The following RBFOX2 variants were observed in gnomAD, a reference collection of about 807,000 sequenced individuals.
RBFOX2 encodes the protein RNA binding fox-1 homolog 2, also known as RNA binding protein fox-1 homolog 2.
In RBFOX2, 10 loss-of-function variants were observed where a neutral mutation model predicts 49.1. That is an observed-to-expected ratio of 0.20 (90% CI 0.13 to 0.35). The LOEUF is 0.35. RBFOX2 is among the 10% of genes least tolerant of loss of function. The pLI is 1.00. For synonymous variants in RBFOX2, 183 were observed against 187.4 expected (o/e 0.98, Z 0.19); for missense variants, 323 against 486.9 (o/e 0.66, Z 3.17).
At chr22:35,930,791 C>CTAGG (rs1033099697) in intron 1 of RBFOX2, among the ~76,000 whole-genome samples, 1 of 152,104 alleles carries the variant, frequency 6.6e-6, no homozygotes, top group African/African-American at 2.4e-5. Context: ...GATGACACAC[C>CTAGG]TGCACTCCTG....
chr22:35,923,326 T>C (rs2149603557), intron 1 of RBFOX2, among the ~76,000 whole-genome samples: 1 of 151,792 alleles, frequency 6.6e-6, no homozygotes, highest in East Asian at 1.9e-4. Flanking sequence ...TCCAGGCCTT[T>C]CATATCTTTT....
intron 8 of RBFOX2, among the ~76,000 whole-genome samples, chr22:35,760,669 C>A (rs1602266781): frequency 6.6e-6 from 1 of 152,166 alleles, no homozygotes; most frequent in Non-Finnish European, 1.5e-5. Context: ...TTTAAAGAGG[C>A]AGACAATTTC....
chr22:35,752,269 C>T (rs1186575958), intron 9 of RBFOX2, among the ~76,000 whole-genome samples: 5 of 152,146 alleles, frequency 3.3e-5, no homozygotes, highest in African/African-American at 1.2e-4. Context: ...ATGTCCCCAA[C>T]TGCTAAGATC....
At chr22:35,893,469 A>T (rs2047486360) in intron 1 of RBFOX2, among the ~76,000 whole-genome samples, 1 of 152,192 alleles carries the variant, frequency 6.6e-6, no homozygotes, top group African/African-American at 2.4e-5. Context: ...CTTCCAAACA[A>T]ATCAAAAGAC....
intron 1 of RBFOX2, among the ~76,000 whole-genome samples, chr22:35,938,035 G>A (rs1012786166): frequency 6.6e-6 from 1 of 152,126 alleles, no homozygotes; most frequent in African/African-American, 2.4e-5. Flanking sequence ...TGACAACCCT[G>A]TAAGGAATAA....
intron 1 of RBFOX2, among the ~76,000 whole-genome samples, chr22:36,017,095 T>C (rs1221437925): frequency 2.0e-5 from 3 of 152,192 alleles, no homozygotes; most frequent in Non-Finnish European, 4.4e-5. Flanking sequence ...TATAAAATAC[T>C]TCTATGAATC....
intron 1 of RBFOX2, among the ~76,000 whole-genome samples, chr22:35,932,346 G>T (rs998549367): frequency 6.6e-6 from 1 of 151,918 alleles, no homozygotes; most frequent in Non-Finnish European, 1.5e-5. Context: ...CTTGAGGAAA[G>T]AAAATACTTG....
intron 1 of RBFOX2, among the ~76,000 whole-genome samples, chr22:35,832,843 C>T (rs1423492437): frequency 6.6e-6 from 1 of 151,912 alleles, no homozygotes; most frequent in Admixed American, 6.6e-5. Context: ...GATTCAGTCT[C>T]CAAAACAAAG....
intron 1 of RBFOX2, among the ~76,000 whole-genome samples, chr22:35,857,186 C>A (rs998277136): frequency 6.6e-6 from 1 of 152,148 alleles, no homozygotes; most frequent in African/African-American, 2.4e-5. Flanking sequence ...TATTTCAGAT[C>A]TGATCTTTAA....
intron 2 of RBFOX2, among the ~76,000 whole-genome samples, chr22:35,794,370 CT>C (rs561908106): frequency 2.0e-5 from 3 of 152,192 alleles, no homozygotes; most frequent in African/African-American, 7.2e-5. Flanking sequence ...TTTAAAAATG[CT>C]TTTTAGGCCG....
chr22:35,826,741 G>GT (rs887892235), intron 1 of RBFOX2, among the ~76,000 whole-genome samples: 9 of 151,800 alleles, frequency 5.9e-5, no homozygotes, highest in South Asian at 2.1e-4. Flanking sequence ...CTCATATACT[G>GT]TTTTTTTTCC....
chr22:35,741,700 G>A (rs1569182969), exon 12 of RBFOX2: 1 of 152,808 alleles, frequency 6.5e-6, no homozygotes, highest in Non-Finnish European at 1.5e-5. Context: ...CACAGAGCTT[G>A]CCTTTGGAGG....
At chr22:36,028,064 C>A (rs1335799877) in intron 1 of RBFOX2, among the ~76,000 whole-genome samples, 176 bp downstream of exon 1, 1 of 152,176 alleles carries the variant, frequency 6.6e-6, no homozygotes, top group African/African-American at 2.4e-5. Context: ...TTCAGTCCTG[C>A]AACCTTCGTT....
chr22:35,816,144 G>T (rs907008028), intron 1 of RBFOX2, among the ~76,000 whole-genome samples: 1 of 152,042 alleles, frequency 6.6e-6, no homozygotes, highest in African/African-American at 2.4e-5. Context: ...CACATACAAA[G>T]ACAAAACAAT....
In RBFOX2 at chr22:35,756,085, G is replaced by T; in HGVS notation, c.887+3803C>A. The T allele has an allele frequency of 2.2e-6, 3 of 1,388,866 alleles. No homozygotes were observed. The highest frequency in any genetic ancestry group is 2.9e-5 in the East Asian group (1 of 34,108). The allele number at this position is 1,388,866 out of a possible 1,614,324, so 86.0% of individuals were successfully genotyped here. A position where few individuals can be genotyped will look rare whatever the true frequency, so the allele number is the denominator to read the frequency against. On this transcript the variant is annotated intron_variant, in intron 9 of 11. Transcript: ENST00000405409. Reference sequence around the variant, plus strand: ...CTTGTCAGGGGATGGGGTCGAGAAGGCCCCAGTGTGTGTACTTACATAGAG... The same window carrying T: ...CTTGTCAGGGGATGGGGTCGAGAAGTCCCCAGTGTGTGTACTTACATAGAG...
intron 1 of RBFOX2, among the ~76,000 whole-genome samples, chr22:36,004,836 C>A (rs1343976999): frequency 1.3e-5 from 2 of 152,120 alleles, no homozygotes; most frequent in African/African-American, 4.8e-5. Context: ...AACTCAATCC[C>A]AGCTGGCACT....
intron 1 of RBFOX2, among the ~76,000 whole-genome samples, chr22:35,926,416 G>A (rs913698621): frequency 6.6e-6 from 1 of 151,964 alleles, no homozygotes; most frequent in Non-Finnish European, 1.5e-5. Flanking sequence ...TCTTTTTGAT[G>A]GTCACATTAA....
chr22:35,780,588 T>G (rs1944928317), intron 3 of RBFOX2, among the ~76,000 whole-genome samples: 1 of 152,146 alleles, frequency 6.6e-6, no homozygotes, highest in Non-Finnish European at 1.5e-5. Flanking sequence ...AAACCAATCC[T>G]CTACAATGAT....
intron 5 of RBFOX2, among the ~76,000 whole-genome samples, chr22:35,767,622 C>A (rs5995167): frequency 6.6e-6 from 1 of 152,162 alleles, no homozygotes; most frequent in Non-Finnish European, 1.5e-5. Flanking sequence ...AATCACAGTA[C>A]ATTCGCCAGC....
Sources: allele counts gnomAD v4.1 joint callset (sites outside exome capture counted in the v4.1 genomes callset), GRCh38; gene constraint gnomAD v4.1.1; transcripts MANE v1.5; gene names NCBI Gene and HGNC (gene_info 2026-07-23, HGNC 2026-07-21).